Variants in PRDM16 observed in about 807,000 individuals in gnomAD.
PRDM16 encodes histone-lysine N-methyltransferase PRDM16.
A neutral mutation model predicts 110.6 loss-of-function variants in PRDM16; 23 were observed. That is an observed-to-expected ratio of 0.21 (90% CI 0.15 to 0.29). PRDM16 has a LOEUF of 0.29. Ranked by LOEUF, PRDM16 falls within the 10% of genes least tolerant of loss-of-function variation. The pLI is 1.00. For synonymous variants in PRDM16, 799 were observed against 781.8 expected (o/e 1.02, Z -0.37); for missense variants, 1,615 against 1,794.3 (o/e 0.90, Z 1.81).
rs182452331 is a variant in PRDM16, at chr1:3,433,777, A to G, written c.3797A>G (p.Glu1266Gly). ...AWLKVTGATS[E>G]SGAFHPINHL ...TTGAAGGTCACTGGAGCCACGTCGG[A>G]GTCTGGAGCATTTCACCCCATCAAC... The change falls in exon 17 of 17, where the codon GAG becomes GGG. Residue 1266 changes from glutamate (E) to glycine (G), a missense_variant. Physicochemically the swap from Glu to Gly is moderately conservative, Grantham distance 98 (BLOSUM62 -2). Transcript: ENST00000270722. The G allele has an allele frequency of 6.2e-7, 1 of 1,613,764 alleles. No individual in the cohort carries two copies. The highest frequency in any genetic ancestry group is 8.5e-7 in the Non-Finnish European group (1 of 1,179,900).
rs1232562992 is a variant in PRDM16, at chr1:3,382,168, G to A, written c.439-2984G>A. 6.6e-6 allele frequency among the ~76,000 whole-genome samples: 1 copy of A among 152,234 alleles called. No individual in the cohort carries two copies. Among genetic ancestry groups the A allele is most frequent in the Non-Finnish European group, 1.5e-5 (1 of 68,030 alleles). ...CCTGGGGAGGGGCCTCACCACGTGG[G>A]GCTGGTGGCCCTGGGTCTGCACCCT... On this transcript the variant is annotated intron_variant, in intron 3 of 16. Coordinates refer to ENST00000270722, the MANE Select transcript of PRDM16 (RefSeq NM_022114.4). The surrounding 1 kb of genome is among the most constrained non-coding windows in gnomAD (Gnocchi z 6.6).
In PRDM16 at chr1:3,339,072, C is replaced by A. The variant is rs962313492; in HGVS notation, c.439-46080C>A. Among the ~76,000 whole-genome samples, 1 of 152,110 alleles carries A rather than the reference C, an allele frequency of 6.6e-6. No homozygotes were observed. The highest frequency in any genetic ancestry group is 1.5e-5 in the Non-Finnish European group (1 of 68,008). ...TCTGGGGAGAGTTGCAGCTTCAAGGCGATCGATGGGGAGCTTCCGTGCACT... is the reference window on the plus strand; with the variant it reads ...TCTGGGGAGAGTTGCAGCTTCAAGGAGATCGATGGGGAGCTTCCGTGCACT... On this transcript the variant is annotated intron_variant, in intron 3 of 16. Coordinates refer to ENST00000270722, the MANE Select transcript of PRDM16 (RefSeq NM_022114.4). The surrounding 1 kb of genome is among the most constrained non-coding windows in gnomAD (Gnocchi z 5.0).
At chr1:3,348,581 G>A (rs1027695387) in intron 3 of PRDM16, among the ~76,000 whole-genome samples, 2 of 152,348 alleles carry the variant, frequency 1.3e-5, no homozygotes, top group South Asian at 2.1e-4. Context: ...GAGGCCCTCC[G>A]CCATGGCCTC....
At chr1:3,086,405 C>T (rs1293841099) in intron 1 of PRDM16, among the ~76,000 whole-genome samples, 2 of 152,192 alleles carry the variant, frequency 1.3e-5, no homozygotes, top group Non-Finnish European at 2.9e-5. Flanking sequence ...GTCAGGAAAG[C>T]TGCCACGGGG....
At chr1:3,100,996 G>T (rs1412464252) in intron 1 of PRDM16, among the ~76,000 whole-genome samples, 26 of 152,104 alleles carry the variant, frequency 1.7e-4, no homozygotes, top group Admixed American at 9.8e-4. Flanking sequence ...TGGAGGGGGT[G>T]GGTGTCCGGC....
At chr1:3,156,729 T>C (rs763846296) in intron 1 of PRDM16, among the ~76,000 whole-genome samples, 1 of 152,194 alleles carries the variant, frequency 6.6e-6, no homozygotes, top group Non-Finnish European at 1.5e-5. Flanking sequence ...TCAGGCTCAC[T>C]ACCCAGCCCC....
intron 3 of PRDM16, among the ~76,000 whole-genome samples, chr1:3,276,540 G>A (rs907989433): frequency 9.2e-5 from 14 of 152,256 alleles, no homozygotes; most frequent in South Asian, 8.3e-4. Flanking sequence ...AAGGCCCCAC[G>A]GCCCTAACTC....
intron 2 of PRDM16, among the ~76,000 whole-genome samples, chr1:3,242,644 C>T (rs571791896): frequency 3.9e-5 from 6 of 152,346 alleles, no homozygotes; most frequent in East Asian, 3.9e-4. Flanking sequence ...TTCACATTAG[C>T]GCAGGGTGAC....
intron 3 of PRDM16, among the ~76,000 whole-genome samples, chr1:3,331,094 G>A (rs949525433): frequency 3.9e-5 from 6 of 152,214 alleles, no homozygotes; most frequent in African/African-American, 9.6e-5. Flanking sequence ...GGGAGGGGCC[G>A]CCAGCCCACT....
At chr1:3,181,296 AGTCTTACACACG>A (rs1374789115) in intron 1 of PRDM16, among the ~76,000 whole-genome samples, 2,359 of 72,674 alleles carry the variant, frequency 0.032, no homozygotes, top group Non-Finnish European at 0.059. Flanking sequence ...TTACACACGC[AGTCTTACACACG>A]GTCTTACACA....
intron 1 of PRDM16, among the ~76,000 whole-genome samples, chr1:3,160,569 C>T (rs1643889568): frequency 6.6e-6 from 1 of 152,222 alleles, no homozygotes; most frequent in Non-Finnish European, 1.5e-5. Flanking sequence ...CAGAGAACAA[C>T]ACAGTCTCCT....
chr1:3,377,183 C>T (rs192814436), intron 3 of PRDM16, among the ~76,000 whole-genome samples: 31 of 152,342 alleles, frequency 2.0e-4, no homozygotes, highest in Middle Eastern at 3.4e-3. Flanking sequence ...CCCTCTCCCC[C>T]GGCTCCCGCC....
At chr1:3,227,178 G>T (rs956222884) in intron 2 of PRDM16, among the ~76,000 whole-genome samples, 1 of 152,226 alleles carries the variant, frequency 6.6e-6, no homozygotes, top group Non-Finnish European at 1.5e-5. Flanking sequence ...CCTCATCCCC[G>T]GGCTGCTGGA....
intron 3 of PRDM16, among the ~76,000 whole-genome samples, chr1:3,334,029 A>G (rs1642096088): frequency 6.6e-6 from 1 of 152,222 alleles, no homozygotes; most frequent in Non-Finnish European, 1.5e-5. Context: ...CTTTGAAGTA[A>G]TGCAAAACGG....
At position 3,370,560 on chromosome 1, in the gene PRDM16, G is replaced by A. The variant is rs185142304; in HGVS notation, c.439-14592G>A. Among the ~76,000 whole-genome samples the A allele has an allele frequency of 6.8e-4, 103 of 152,234 alleles. No homozygotes were observed. The highest frequency in any genetic ancestry group is 6.2e-3 in the East Asian group (32 of 5,170). On this transcript the variant is annotated intron_variant, in intron 3 of 16. Coordinates refer to ENST00000270722, the MANE Select transcript of PRDM16 (RefSeq NM_022114.4). This position sits in a 1 kb window ranked among gnomAD's most constrained non-coding sequence, Gnocchi z 4.8. ...CACCAGAGGAGAGGAAGTGACCTGC[G>A]ACGTGATAGCCATGGCCCAGTGCAG... is the stretch of plus-strand genomic sequence containing the variant.
chr1:3,311,492 G>T (rs1641460007), intron 3 of PRDM16, among the ~76,000 whole-genome samples: 1 of 152,228 alleles, frequency 6.6e-6, no homozygotes, highest in Non-Finnish European at 1.5e-5. Context: ...TCTCAGGGTA[G>T]CCTGGAGCTG....
intron 3 of PRDM16, among the ~76,000 whole-genome samples, chr1:3,325,630 C>T (rs1434036481): frequency 2.0e-5 from 3 of 152,238 alleles, no homozygotes; most frequent in African/African-American, 7.2e-5. Flanking sequence ...CACAGTTCTA[C>T]AGACCCGAAG....
At position 3,201,330 on chromosome 1, in the gene PRDM16, G is replaced by A. The variant is rs75928739; in HGVS notation, c.387+14856G>A. Among the ~76,000 whole-genome samples, 312 of 152,232 alleles carry A rather than the reference G, an allele frequency of 2.0e-3. 3 individuals are homozygous for A. The highest frequency in any genetic ancestry group is 7.1e-3 in the African/African-American group (296 of 41,554). On this transcript the variant is annotated intron_variant, in intron 2 of 16. Coordinates refer to ENST00000270722, the MANE Select transcript of PRDM16 (RefSeq NM_022114.4). The surrounding 1 kb of genome is among the most constrained non-coding windows in gnomAD (Gnocchi z 4.1). ...CTTCAATTGCACTGACTTGAAGCTC[G>A]CACAGAGATGAACAAGATGCAGCCT...
In PRDM16 at chr1:3,366,403, C is replaced by T. The variant is rs1372416295; in HGVS notation, c.439-18749C>T. 2.0e-5 allele frequency among the ~76,000 whole-genome samples: 3 copies of T among 152,216 alleles called. No individual in the cohort carries two copies. In the East Asian group the frequency reaches 5.8e-4, roughly 29 times the overall value. On this transcript the variant is annotated intron_variant, in intron 3 of 16. Transcript: ENST00000270722. ...GCCGTGTCCCCTGCCCTGGGCCCTC[C>T]ATGCCTGTTCGCGCTCAGTATGCCG...
Sources: gnomAD v4.1 joint callset for allele counts (sites outside exome capture counted in the v4.1 genomes callset) on GRCh38, gnomAD v4.1.1 for gene constraint, Gnocchi (gnomAD v3.1) non-coding constraint, MANE v1.5 for transcripts, NCBI Gene and HGNC (gene_info 2026-07-23, HGNC 2026-07-21) for gene names.